NCAM2: variants seen among roughly 807,000 people sequenced by gnomAD.
NCAM2 encodes the protein N-CAM-2.
Under a neutral mutation model 98.1 loss-of-function variants are expected in NCAM2, and 30 were observed. The observed-to-expected ratio is 0.31, with a 90% CI of 0.23 to 0.41. The LOEUF is 0.41. Ranked by LOEUF, NCAM2 falls within the 10% of genes least tolerant of loss-of-function variation. The pLI, the probability that NCAM2 is intolerant of heterozygous loss-of-function variation, is 1.00. For missense variants in NCAM2, 867 were observed against 1,005.8 expected (o/e 0.86, Z 1.87); for synonymous variants, 368 against 342.4 (o/e 1.07, Z -0.83).
intron 12 of NCAM2, among the ~76,000 whole-genome samples, chr21:21,465,686 T>C (rs1311766320): frequency 6.6e-6 from 1 of 152,022 alleles, no homozygotes; most frequent in African/African-American, 2.4e-5. Flanking sequence ...ATCTTTTATA[T>C]CTCCTAATAT....
At chr21:21,077,190 G>A (rs1466239825) in intron 1 of NCAM2, among the ~76,000 whole-genome samples, 1 of 152,122 alleles carries the variant, frequency 6.6e-6, no homozygotes, top group Non-Finnish European at 1.5e-5. Context: ...GCCCGTCAGA[G>A]ATTATTTATT....
intron 1 of NCAM2, among the ~76,000 whole-genome samples, chr21:21,179,003 ATGT>A (rs2068385804): frequency 6.6e-6 from 1 of 152,082 alleles, no homozygotes; most frequent in African/African-American, 2.4e-5. Context: ...TAATATTCAA[ATGT>A]TGTTCAGGCC....
intron 1 of NCAM2, among the ~76,000 whole-genome samples, chr21:21,235,828 C>G (rs1340025960): frequency 6.6e-6 from 1 of 152,022 alleles, no homozygotes; most frequent in South Asian, 2.1e-4. Context: ...CAACCCCTGT[C>G]TTTACTGAAA....
chr21:21,398,359 T>A (rs2076559292), intron 9 of NCAM2, among the ~76,000 whole-genome samples: 1 of 152,104 alleles, frequency 6.6e-6, no homozygotes, highest in East Asian at 1.9e-4. Context: ...AAATCAGCAC[T>A]AAATAACTTA....
At chr21:21,035,240 T>G (rs2064773218) in intron 1 of NCAM2, among the ~76,000 whole-genome samples, 1 of 152,178 alleles carries the variant, frequency 6.6e-6, no homozygotes, top group African/African-American at 2.4e-5. Context: ...CACATCCCAG[T>G]CAAAGCCTTA....
At chr21:21,191,047 C>A (rs1387227123) in intron 1 of NCAM2, among the ~76,000 whole-genome samples, 1 of 152,068 alleles carries the variant, frequency 6.6e-6, no homozygotes, top group Admixed American at 6.6e-5. Flanking sequence ...ACAAATAATT[C>A]TCTCTCTAGA....
intron 12 of NCAM2, among the ~76,000 whole-genome samples, chr21:21,442,962 G>C (rs752503014): frequency 3.9e-5 from 6 of 152,018 alleles, no homozygotes; most frequent in Admixed American, 1.3e-4. Flanking sequence ...ACAAACACTG[G>C]ATTACTTTAA....
At chr21:21,429,401 T>G (rs773372548) in intron 11 of NCAM2, among the ~76,000 whole-genome samples, 1 of 152,198 alleles carries the variant, frequency 6.6e-6, no homozygotes, top group Non-Finnish European at 1.5e-5. Flanking sequence ...TATCTCCCTC[T>G]CATCCCCCAG....
rs80252926 is a variant in NCAM2 at position 21,494,788 on chromosome 21, G to A, written c.2078-14063G>A. Among the ~76,000 whole-genome samples, 1,436 of 151,658 alleles carry A rather than the reference G, an allele frequency of 9.5e-3. 20 individuals are homozygous for A. Among genetic ancestry groups the A allele is most frequent in the African/African-American group, 0.033 (1,382 of 41,412 alleles). On this transcript the variant is annotated intron_variant, in intron 15 of 17. Transcript: ENST00000400546. ...CTTCAGATATTTTATGATTTTTCAT[G>A]GTTTACAGTTGTACCACATTTATTA...
intron 5 of NCAM2, among the ~76,000 whole-genome samples, chr21:21,307,537 A>G (rs1253800036): frequency 6.6e-6 from 1 of 152,144 alleles, no homozygotes; most frequent in Non-Finnish European, 1.5e-5. Context: ...TAAGATCACG[A>G]TCCAGGGGTC....
chr21:21,401,920 G>A (rs1291303895), intron 9 of NCAM2, among the ~76,000 whole-genome samples: 3 of 152,114 alleles, frequency 2.0e-5, no homozygotes, highest in Non-Finnish European at 4.4e-5. Context: ...AGATTTCATG[G>A]ACATTTATCA....
intron 11 of NCAM2, among the ~76,000 whole-genome samples, chr21:21,422,754 A>G (rs949736057): frequency 5.9e-5 from 9 of 152,192 alleles, no homozygotes; most frequent in Non-Finnish European, 1.5e-5. Flanking sequence ...TTAAGACTTC[A>G]CCATAAAGTT....
chr21:21,073,963 C>T (rs13048257), intron 1 of NCAM2, among the ~76,000 whole-genome samples: 99,778 of 151,958 alleles, frequency 0.66, 33,913 homozygotes, highest in East Asian at 0.76. Flanking sequence ...TTCTTCAGAG[C>T]CAGGAGAAAA....
intron 1 of NCAM2, among the ~76,000 whole-genome samples, chr21:21,008,983 C>CAAAGG (rs1312617488): frequency 2.0e-5 from 3 of 152,150 alleles, no homozygotes; most frequent in Non-Finnish European, 2.9e-5. Context: ...TTCTGCACTT[C>CAAAGG]AAACTTACGG....
intron 16 of NCAM2, among the ~76,000 whole-genome samples, chr21:21,510,929 A>G (rs1784312673): frequency 6.6e-6 from 1 of 151,920 alleles, no homozygotes; most frequent in African/African-American, 2.4e-5. Flanking sequence ...TCCCTATTCA[A>G]TCTCGTGCTA....
chr21:21,397,191 G>T (rs1167446090), intron 9 of NCAM2, among the ~76,000 whole-genome samples: 1 of 152,084 alleles, frequency 6.6e-6, no homozygotes, highest in Non-Finnish European at 1.5e-5. Context: ...TCCATGGTTG[G>T]CCATGGGTAG....
chr21:21,129,980 A>G (rs892916034), intron 1 of NCAM2, among the ~76,000 whole-genome samples: 1 of 152,164 alleles, frequency 6.6e-6, no homozygotes, highest in African/African-American at 2.4e-5. Flanking sequence ...GCATCATTTT[A>G]TTTAAATAAG....
At chr21:21,324,939 GATTT>G (rs1416667744) in intron 6 of NCAM2, among the ~76,000 whole-genome samples, 1 of 151,810 alleles carries the variant, frequency 6.6e-6, no homozygotes, top group Non-Finnish European at 1.5e-5. Flanking sequence ...AGAAAAAACT[GATTT>G]ATAGCATTAA....
chr21:21,429,179 G>A (rs779808149), intron 11 of NCAM2, among the ~76,000 whole-genome samples: 1 of 152,134 alleles, frequency 6.6e-6, no homozygotes, highest in South Asian at 2.1e-4. Context: ...ATCTGAAAAC[G>A]GACTATATAA....
Sources: gnomAD v4.1 joint callset for allele counts (sites outside exome capture counted in the v4.1 genomes callset) on GRCh38, gnomAD v4.1.1 for gene constraint, MANE v1.5 for transcripts, NCBI Gene and HGNC (gene_info 2026-07-23, HGNC 2026-07-21) for gene names.